The following ATG16L1 variants were observed in gnomAD, a reference collection of about 807,000 sequenced individuals.
ATG16L1 encodes the protein autophagy related 16 like 1.
In ATG16L1, 37 loss-of-function variants were observed where a neutral mutation model predicts 88.5. The observed-to-expected ratio is 0.42, with a 90% confidence interval of 0.32 to 0.55. The LOEUF (loss-of-function observed/expected upper bound fraction) is 0.55. Ranked by LOEUF, ATG16L1 falls within the 20% of genes least tolerant of loss-of-function variation. The pLI is 0.13. For missense variants in ATG16L1, 554 were observed against 752.8 expected, an observed-to-expected ratio of 0.74 and a Z score of 3.09; for synonymous variants, 301 against 281.0, an observed-to-expected ratio of 1.07 and a Z score of -0.71.
At chr2:233,292,341 C>T (rs201532140) in intron 15 of ATG16L1, 46 bp from the exon 16 acceptor site, 229 of 1,614,060 alleles carry the variant, frequency 1.4e-4, no homozygotes, top group Non-Finnish European at 1.9e-4. Context: ...TAACGTGCTG[C>T]GTGGCCTGAG....
intron 12 of ATG16L1, among the ~76,000 whole-genome samples, chr2:233,288,075 G>A (rs1299170672): frequency 6.6e-6 from 1 of 152,062 alleles, no homozygotes; most frequent in East Asian, 1.9e-4. Context: ...CAGCACAGCC[G>A]GCACCCGACT....
Position 233,269,867 on chromosome 2 carries a change from GTATTTTGCTCAGGGTAGTTGT to G in ATG16L1, c.642-128_642-108del, listed in dbSNP as rs1258609952. The G allele has an allele frequency of 2.0e-5, 15 of 755,678 alleles. No homozygotes were observed. The East Asian group carries it at 4.3e-4, about 22-fold the overall frequency. 46.8% of individuals were successfully genotyped at this position (755,678 alleles called of 1,614,324 possible). The stretch of plus-strand genomic sequence containing the variant: ...ATGAGTTTGGGCTTGTGACTTTTGA[GTATTTTGCTCAGGGTAGTTGT>G]TATTTTACATGCACTGAATGTGTTA... On this transcript the variant is annotated intron_variant, in intron 5 of 17. Transcript: ENST00000392017.
chr2:233,273,968 T>G, intron 8 of ATG16L1, 191 bp downstream of exon 8: 1 of 1,551,068 alleles, frequency 6.4e-7, no homozygotes, highest in Non-Finnish European at 8.7e-7. Flanking sequence ...CGCTGCGTGC[T>G]GATCTCTGGC....
intron 16 of ATG16L1, among the ~76,000 whole-genome samples, chr2:233,293,012 T>C (rs4663420): frequency 0.052 from 7,857 of 152,312 alleles, 246 homozygotes; most frequent in Admixed American, 0.08. Context: ...AGTCTGTAGA[T>C]GGTTAAGGAC....
intron 8 of ATG16L1, chr2:233,274,083 G>C (rs140476598): frequency 2.6e-6 from 4 of 1,522,662 alleles, no homozygotes; most frequent in East Asian, 2.5e-5. Context: ...GTGAGTGTGG[G>C]TCCTTAACAA....
At chr2:233,292,060 T>C (rs547246782) in intron 14 of ATG16L1, 68 bp from the exon 15 acceptor site, 8 of 1,561,808 alleles carry the variant, frequency 5.1e-6, no homozygotes, top group African/African-American at 1.4e-5. Context: ...GCCTTTTTTT[T>C]CCTCCACGGC....
In ATG16L1 at chr2:233,295,166, AGGT is replaced by A. The variant is rs1327579692; in HGVS notation, c.*821_*823del. On this transcript the variant is annotated 3_prime_UTR_variant, in exon 18 of 18. Transcript: ENST00000392017. ...CGAGACCTCCAACATACTTGTCTGA[AGGT>A]GGTGATTCTGGCCATGGCCCCTCTG... 4 of 152,696 alleles carry A rather than the reference AGGT, an allele frequency of 2.6e-5. No homozygotes were observed. Among genetic ancestry groups the A allele is most frequent in the African/African-American group, 9.7e-5 (4 of 41,410 alleles). The allele number at this position is 152,696 out of a possible 1,614,324, so 9.5% of individuals were successfully genotyped here.
chr2:233,262,994 AC>A, intron 2 of ATG16L1, 135 bp from the exon 3 acceptor site: 1 of 740,242 alleles, frequency 1.4e-6, no homozygotes, highest in Admixed American at 2.3e-5. Context: ...TGCTGGAGAC[AC>A]CCGAATGGTT....
In ATG16L1 at chr2:233,289,959, C is replaced by A; in HGVS notation, c.1309C>A (p.Leu437Ile). The A allele has an allele frequency of 6.2e-7, 1 of 1,614,102 alleles. No individual in the cohort carries two copies. The highest frequency in any genetic ancestry group is 8.5e-7 in the Non-Finnish European group (1 of 1,179,954). The change falls in exon 13 of 18, where the codon CTA becomes ATA. Residue 437 changes from leucine (L) to isoleucine (I), a missense_variant. By Grantham distance (5) the Leu-to-Ile change is conservative (BLOSUM62 2). Coordinates refer to ENST00000392017, the MANE Select transcript of ATG16L1 (RefSeq NM_030803.7). ...SHDRTLKLWD[L>I]RSKVCIKTVF... ...CGACCGGACTCTCAAACTCTGGGATCTACGCAGCAAAGTCTGTGAGGAAAT... is the reference window on the plus strand; with the variant it reads ...CGACCGGACTCTCAAACTCTGGGATATACGCAGCAAAGTCTGTGAGGAAAT...
intron 2 of ATG16L1, among the ~76,000 whole-genome samples, chr2:233,260,098 C>T (rs933059787): frequency 1.8e-4 from 27 of 152,212 alleles, no homozygotes; most frequent in Admixed American, 2.6e-4. Context: ...CCTTTCCCCT[C>T]CTTCCTGTCT....
intron 7 of ATG16L1, chr2:233,273,276 A>C (rs1387286840): frequency 3.7e-6 from 2 of 545,080 alleles, no homozygotes; most frequent in Non-Finnish European, 6.5e-6. Context: ...TCTAAATACA[A>C]AAAAATGTAG....
intron 4 of ATG16L1, 75 bp downstream of exon 4, chr2:233,264,140 C>T: frequency 6.7e-7 from 1 of 1,494,064 alleles, no homozygotes; most frequent in Non-Finnish European, 9.3e-7. Context: ...CTCTTGTGAG[C>T]AGGGCCAGTG....
chr2:233,293,418 C>T (rs950884324), intron 17 of ATG16L1, 61 bp downstream of exon 17: 42 of 1,460,364 alleles, frequency 2.9e-5, no homozygotes, highest in Non-Finnish European at 4.0e-5. Flanking sequence ...GACTTCATCT[C>T]AGGGGTCATC....
Position 233,295,661 on chromosome 2 carries a change from C to T in ATG16L1, c.*1311C>T, listed in dbSNP as rs1332385595. 6.5e-6 allele frequency: 1 copy of T among 152,756 alleles called. No individual in the cohort carries two copies. The highest frequency in any genetic ancestry group is 1.9e-4 in the East Asian group (1 of 5,342). The allele number at this position is 152,756 out of a possible 1,614,324, so 9.5% of individuals were successfully genotyped here. ...TAATAATAAAGAAATCTGTTATATA[C>T]TTTTCAAACTCCATGCCTCTTGGTG... On this transcript the variant is annotated 3_prime_UTR_variant, in exon 18 of 18. Coordinates refer to ENST00000392017, the MANE Select transcript of ATG16L1 (RefSeq NM_030803.7).
chr2:233,283,523 A>G (rs766860522), intron 12 of ATG16L1, among the ~76,000 whole-genome samples: 7 of 151,850 alleles, frequency 4.6e-5, no homozygotes, highest in Non-Finnish European at 8.8e-5. Context: ...ACCCACACCA[A>G]AAACAGAGGA....
intron 8 of ATG16L1, chr2:233,274,296 C>A: frequency 2.0e-6 from 1 of 490,244 alleles, no homozygotes; most frequent in African/African-American, 1.9e-5. Context: ...TTGATTCTAA[C>A]TAGGCATAGA....
intron 5 of ATG16L1, among the ~76,000 whole-genome samples, chr2:233,269,394 C>G: frequency 6.6e-6 from 1 of 152,074 alleles, no homozygotes; most frequent in East Asian, 1.9e-4. Context: ...ATCCCATATC[C>G]CAAACTCCAC....
intron 2 of ATG16L1, 89 bp from the exon 3 acceptor site, chr2:233,263,041 T>G: frequency 8.9e-7 from 1 of 1,121,848 alleles, no homozygotes; most frequent in Non-Finnish European, 1.3e-6. Flanking sequence ...GAGTTATGGT[T>G]TCATTGCCTA....
At chr2:233,264,129 C>CATTGGGT (rs1427122257) in intron 4 of ATG16L1, 64 bp downstream of exon 4, 20 of 1,567,738 alleles carry the variant, frequency 1.3e-5, no homozygotes, top group South Asian at 8.9e-5. Context: ...GTTCTGCTGA[C>CATTGGGT]CTCTTGTGAG....
Sources: gnomAD v4.1 joint callset for allele counts (sites outside exome capture counted in the v4.1 genomes callset) on GRCh38, gnomAD v4.1.1 for gene constraint, MANE v1.5 for transcripts, NCBI Gene and HGNC (gene_info 2026-07-23, HGNC 2026-07-21) for gene names.